Variants in PDE4DIP observed in about 807,000 individuals in gnomAD.
PDE4DIP encodes phosphodiesterase 4D interacting protein.
PDE4DIP carries 59 observed loss-of-function variants against 221.4 expected under a neutral mutation model. The ratio of observed to expected loss-of-function variants is 0.27; its 90% CI spans 0.22 to 0.33. PDE4DIP has a LOEUF of 0.33. Ranked by LOEUF, PDE4DIP falls within the 10% of genes least tolerant of loss-of-function variation. The probability of loss-of-function intolerance (pLI) is 1.00; values close to 1 mark genes in which losing one functional copy is unlikely to be tolerated. For missense variants in PDE4DIP, 1,036 were observed against 2,154.2 expected (o/e 0.48, Z 10.28); for synonymous variants, 404 against 815.9 (o/e 0.50, Z 8.60).
chr1:148,980,431 T>TA (rs2060896046), intron 20 of PDE4DIP, among the ~76,000 whole-genome samples: 1 of 152,174 alleles, frequency 6.6e-6, no homozygotes. Context: ...TGGGCACTGA[T>TA]ATTCATTTAA....
At chr1:149,017,856 T>A (rs782100236) in exon 34 of PDE4DIP, 1 of 1,613,674 alleles carries the variant, frequency 6.2e-7, no homozygotes, top group Admixed American at 1.7e-5. Context: ...GAACACCGGC[T>A]GACCTCTACT....
intron 43 of PDE4DIP, 189 bp downstream of exon 46, chr1:149,030,467 G>T: frequency 1.3e-6 from 1 of 770,780 alleles, no homozygotes; most frequent in African/African-American, 1.9e-5. Context: ...CTCCCACCCC[G>T]TCAGCTCCTG....
intron 21 of PDE4DIP, chr1:148,983,025 G>A (rs181030908): frequency 3.9e-5 from 6 of 152,150 alleles, no homozygotes; most frequent in African/African-American, 1.4e-4. Context: ...TAATGGATCT[G>A]CCATTTCAGT....
chr1:148,955,201 C>G (rs57727454), intron 5 of PDE4DIP, among the ~76,000 whole-genome samples: 707 of 149,228 alleles, frequency 4.7e-3, no homozygotes, highest in African/African-American at 0.017. Context: ...TTCAGTGGAG[C>G]CTCGCAGCTA....
At chr1:148,907,552 T>G (rs1425941584) in intron 1 of PDE4DIP, among the ~76,000 whole-genome samples, 1 of 150,126 alleles carries the variant, frequency 6.7e-6, no homozygotes, top group Non-Finnish European at 1.5e-5. Context: ...TGAAAAATAC[T>G]GTATCTTCTC....
chr1:148,823,490 A>C (rs1427028061), intron 1 of PDE4DIP, among the ~76,000 whole-genome samples: 1 of 150,124 alleles, frequency 6.7e-6, no homozygotes, highest in Admixed American at 6.6e-5. Context: ...CATTTACAGA[A>C]TGGGGGGATT....
intron 1 of PDE4DIP, among the ~76,000 whole-genome samples, chr1:148,861,409 C>T (rs1553400690): frequency 3.0e-4 from 7 of 22,980 alleles, no homozygotes; most frequent in African/African-American, 8.5e-4. Flanking sequence ...GAGGCCGAGG[C>T]GGGCGGATCA....
At chr1:149,032,017 C>T (rs2076886241) in exon 44 of PDE4DIP, 1 of 1,610,776 alleles carries the variant, frequency 6.2e-7, no homozygotes, top group South Asian at 1.1e-5. Context: ...GCAAGAAGCG[C>T]AGCCACCAGA....
At chr1:148,940,286 A>T (rs2050224827) in intron 5 of PDE4DIP, among the ~76,000 whole-genome samples, 1 of 149,046 alleles carries the variant, frequency 6.7e-6, no homozygotes, top group African/African-American at 2.5e-5. Flanking sequence ...TAAGTACAGC[A>T]TCCAGGGGAT....
Position 149,030,766 on chromosome 1 carries a change from T to G in PDE4DIP, c.6999+488T>G, listed in dbSNP as rs2076512762. ...AATTTGATTTTGCTATATCTTTAAG[T>G]AACATGACAAAAGAGATCTGTTGGG... is the stretch of plus-strand genomic sequence containing the variant. On this transcript the variant is annotated intron_variant, in intron 43 of 43. Coordinates refer to ENST00000369354, the Ensembl canonical transcript of PDE4DIP. The G allele has an allele frequency of 3.0e-6, 3 of 984,822 alleles. No individual in the cohort carries two copies. The South Asian group carries it at 1.4e-4, about 46-fold the overall frequency. 61.0% of individuals were successfully genotyped at this position (984,822 alleles called of 1,614,324 possible).
At chr1:148,934,959 C>T (rs1295303156) in intron 4 of PDE4DIP, among the ~76,000 whole-genome samples, 2 of 152,016 alleles carry the variant, frequency 1.3e-5, no homozygotes, top group Non-Finnish European at 2.9e-5. Flanking sequence ...AATCATGGCT[C>T]ACACCTGTAA....
intron 20 of PDE4DIP, among the ~76,000 whole-genome samples, chr1:148,980,424 G>T (rs1167984448): frequency 3.3e-5 from 5 of 152,032 alleles, no homozygotes; most frequent in African/African-American, 1.2e-4. Flanking sequence ...GCTATAATGG[G>T]CACTGATATT....
In PDE4DIP at chr1:149,029,919, A is replaced by G. The variant is rs782019162; in HGVS notation, c.6946A>G (p.Ser2316Gly). 7 of 1,415,342 alleles carry G rather than the reference A, an allele frequency of 4.9e-6. No individual in the cohort carries two copies. The South Asian group carries it at 7.1e-5, about 14-fold the overall frequency. 87.7% of individuals were successfully genotyped at this position (1,415,342 alleles called of 1,614,324 possible). Reference sequence around the variant, plus strand: ...GGAGAGCATGGAGCAGTTCATCGTCAGCCAGCGTAGGTTCCCTGAGAGGGA... The same window carrying G: ...GGAGAGCATGGAGCAGTTCATCGTCGGCCAGCGTAGGTTCCCTGAGAGGGA... The change falls in exon 42 of 44, where the codon AGC (serine) becomes GGC (glycine). Residue 2316 changes from serine (S) to glycine (G), a missense_variant. Ser to Gly is a moderately conservative substitution (Grantham distance 56). Coordinates refer to ENST00000369354, the Ensembl canonical transcript of PDE4DIP.
At chr1:148,934,185 G>A (rs2048669369) in intron 4 of PDE4DIP, among the ~76,000 whole-genome samples, 1 of 151,728 alleles carries the variant, frequency 6.6e-6, no homozygotes, top group Non-Finnish European at 1.5e-5. Flanking sequence ...AAGGCTTTGT[G>A]ATAGCAGAAT....
chr1:149,007,006 C>T (rs1486954475), intron 27 of PDE4DIP, among the ~76,000 whole-genome samples, 195 bp from the exon 31 acceptor site: 15 of 147,188 alleles, frequency 1.0e-4, no homozygotes, highest in Non-Finnish European at 1.9e-4. Flanking sequence ...CCGGCCCGTA[C>T]TAAGTTTTTT....
At chr1:149,032,770 A>C (rs1323335555) in exon 44 of PDE4DIP, 2 of 212,856 alleles carry the variant, frequency 9.4e-6, no homozygotes, top group Non-Finnish European at 1.9e-5. Context: ...TGCATAGAGC[A>C]AACCTGTGCT....
chr1:148,968,970 A>C (rs1553521624), exon 14 of PDE4DIP: 2 of 1,611,896 alleles, frequency 1.2e-6, no homozygotes, highest in Non-Finnish European at 1.7e-6. Context: ...AAGTGCTGGA[A>C]CATGAAATGG....
intron 29 of PDE4DIP, 83 bp from the exon 33 acceptor site, chr1:149,009,485 T>C: frequency 1.2e-6 from 1 of 803,540 alleles, no homozygotes; most frequent in South Asian, 1.5e-5. Context: ...CTTGGCTTAC[T>C]TGGCTTTTCC....
At chr1:149,023,752 A>C (rs1419863836) in intron 37 of PDE4DIP, among the ~76,000 whole-genome samples, 1 of 108,326 alleles carries the variant, frequency 9.2e-6, no homozygotes, top group East Asian at 3.5e-4. Context: ...ATATGTGTGC[A>C]CATATATATG....
Sources: gnomAD v4.1 joint callset for allele counts (sites outside exome capture counted in the v4.1 genomes callset) on GRCh38, gnomAD v4.1.1 for gene constraint, MANE v1.5 for transcripts, NCBI Gene and HGNC (gene_info 2026-07-23, HGNC 2026-07-21) for gene names.